The following MEGF9 variants were observed in gnomAD, a reference collection of about 807,000 sequenced individuals.
MEGF9 encodes multiple EGF like domains 9.
In MEGF9, 6 loss-of-function variants were observed where a neutral mutation model predicts 46.8. The observed-to-expected ratio is 0.13, with a 90% CI of 0.07 to 0.25. MEGF9 has a LOEUF of 0.25. Among genes scored for constraint, MEGF9 ranks in the 10% least tolerant of loss-of-function variants. MEGF9 has a pLI of 1.00. For synonymous variants in MEGF9, 302 were observed against 330.7 expected, an observed-to-expected ratio of 0.91 and a Z score of 0.94; for missense variants, 683 against 792.4, an observed-to-expected ratio of 0.86 and a Z score of 1.66.
intron 2 of MEGF9, among the ~76,000 whole-genome samples, chr9:120,648,701 G>A (rs2043635923): frequency 6.6e-6 from 1 of 152,126 alleles, no homozygotes; most frequent in African/African-American, 2.4e-5. Flanking sequence ...TGTTTCTAGT[G>A]ATCAAATAAC....
chr9:120,620,096 T>C (rs921285739), intron 3 of MEGF9, among the ~76,000 whole-genome samples: 7 of 152,268 alleles, frequency 4.6e-5, no homozygotes, highest in African/African-American at 1.7e-4. Context: ...CACTACTAGC[T>C]GCTTTTAGAA....
At position 120,659,382 on chromosome 9, in the gene MEGF9, C is replaced by T. The variant is rs550976882; in HGVS notation, c.795G>A (p.Pro265=). The change falls in exon 2 of 6, where the codon CCG becomes CCA. Residue 265 remains proline, a synonymous_variant. Transcript: ENST00000373930. ...DCSPHGALSI[P]CNSSGKCQCK... ...CACCCTCTGTTGCTTACCTGTTGCA[C>T]GGTATGCTGAGAGCTCCATGTGGAC... 5.6e-6 allele frequency: 9 copies of T among 1,613,380 alleles called. No homozygotes were observed. Among genetic ancestry groups the T allele is most frequent in the Admixed American group, 1.7e-5 (1 of 59,962 alleles).
intron 1 of MEGF9, among the ~76,000 whole-genome samples, chr9:120,710,424 T>A (rs1285622172): frequency 7.0e-5 from 7 of 99,972 alleles, no homozygotes; most frequent in South Asian, 3.5e-4. Context: ...AACTCCGTCT[T>A]AAAAAAAAAA....
chr9:120,691,458 C>T (rs762275708), intron 1 of MEGF9: 10 of 482,040 alleles, frequency 2.1e-5, no homozygotes, highest in African/African-American at 4.0e-5. Flanking sequence ...GCATCTTTGC[C>T]ACAGGCCACT....
intron 1 of MEGF9, among the ~76,000 whole-genome samples, chr9:120,668,184 G>T (rs1277137980): frequency 4.6e-5 from 7 of 152,136 alleles, no homozygotes; most frequent in Non-Finnish European, 7.4e-5. Flanking sequence ...CTCATTGTAG[G>T]GAAAAGGAAT....
chr9:120,659,161 G>A (rs1303683951), intron 2 of MEGF9, among the ~76,000 whole-genome samples: 1 of 152,140 alleles, frequency 6.6e-6, no homozygotes, highest in Non-Finnish European at 1.5e-5. Flanking sequence ...CGACTCTAGT[G>A]CTTTTGAAGA....
chr9:120,650,197 G>A (rs2043643655), intron 2 of MEGF9, among the ~76,000 whole-genome samples: 1 of 152,188 alleles, frequency 6.6e-6, no homozygotes, highest in African/African-American at 2.4e-5. Flanking sequence ...GAACACGGGA[G>A]GCGGAGGTTG....
At chr9:120,701,342 T>C (rs1370237568) in intron 1 of MEGF9, among the ~76,000 whole-genome samples, 6 of 152,194 alleles carry the variant, frequency 3.9e-5, no homozygotes, top group Non-Finnish European at 5.9e-5. Flanking sequence ...GTTTTCAGAC[T>C]CAGTTATCTA....
rs1418354849 is a variant in MEGF9 at position 120,607,814 on chromosome 9, G to T, written c.1284C>A (p.Asn428Lys). 1 of 1,614,018 alleles carries T rather than the reference G, an allele frequency of 6.2e-7. No individual in the cohort carries two copies. Among genetic ancestry groups the T allele is most frequent in the East Asian group, 2.2e-5 (1 of 44,892 alleles). Residue 428 changes from asparagine (N) to lysine (K), a missense_variant, in exon 5 of 6, where the codon AAC becomes AAA. Coordinates refer to ENST00000373930, the MANE Select transcript of MEGF9 (RefSeq NM_001080497.3). ...ESGECINCLH[N>K]TTGFWCENCL... Reference sequence around the variant, plus strand: ...AGTTCTCACACCAAAACCCAGTGGTGTTATGGAGGCAGTTGATGCACTCAC... The same window carrying T: ...AGTTCTCACACCAAAACCCAGTGGTTTTATGGAGGCAGTTGATGCACTCAC...
intron 2 of MEGF9, among the ~76,000 whole-genome samples, chr9:120,650,018 G>C (rs2043642820): frequency 6.6e-6 from 1 of 152,198 alleles, no homozygotes; most frequent in African/African-American, 2.4e-5. Flanking sequence ...TGTAATTCCA[G>C]CACTTTGGGA....
intron 1 of MEGF9, among the ~76,000 whole-genome samples, chr9:120,694,192 T>C (rs1208553479): frequency 6.6e-6 from 1 of 152,220 alleles, no homozygotes; most frequent in Non-Finnish European, 1.5e-5. Context: ...ACATTTAGCA[T>C]GTCATTTTGC....
At chr9:120,612,197 G>C (rs1414660799) in intron 4 of MEGF9, among the ~76,000 whole-genome samples, 199 bp downstream of exon 4, 2 of 152,122 alleles carry the variant, frequency 1.3e-5, no homozygotes, top group Non-Finnish European at 2.9e-5. Context: ...CATTATGCAG[G>C]TTTTTAGACA....
At chr9:120,651,476 T>C (rs1220669539) in intron 2 of MEGF9, among the ~76,000 whole-genome samples, 4 of 152,164 alleles carry the variant, frequency 2.6e-5, no homozygotes, top group African/African-American at 9.7e-5. Flanking sequence ...TTACCTAACT[T>C]GCATTTTTTT....
intron 2 of MEGF9, among the ~76,000 whole-genome samples, chr9:120,640,407 T>C (rs1174176773): frequency 6.6e-6 from 1 of 152,178 alleles, no homozygotes; most frequent in African/African-American, 2.4e-5. Flanking sequence ...TAATATTTCT[T>C]ACTATTTAAT....
chr9:120,633,685 G>C (rs1423450880), intron 2 of MEGF9, among the ~76,000 whole-genome samples: 4 of 151,852 alleles, frequency 2.6e-5, no homozygotes, highest in Admixed American at 6.6e-5. Flanking sequence ...TGGATCATTA[G>C]GTTGTTTATT....
At chr9:120,625,477 C>T (rs562577833) in intron 2 of MEGF9, among the ~76,000 whole-genome samples, 16 of 152,136 alleles carry the variant, frequency 1.1e-4, no homozygotes, top group African/African-American at 2.7e-4. Context: ...GTGCCATGAT[C>T]GGGCCTGTGA....
At chr9:120,667,005 A>T (rs1354590316) in intron 1 of MEGF9, among the ~76,000 whole-genome samples, 2 of 152,236 alleles carry the variant, frequency 1.3e-5, no homozygotes, top group Non-Finnish European at 2.9e-5. Flanking sequence ...CATCTTGATT[A>T]TACATGTATC....
intron 2 of MEGF9, among the ~76,000 whole-genome samples, chr9:120,645,841 G>A (rs931175913): frequency 6.6e-6 from 1 of 152,166 alleles, no homozygotes; most frequent in Non-Finnish European, 1.5e-5. Flanking sequence ...GAAAGAATGT[G>A]GATATGGGGA....
At chr9:120,701,891 A>C (rs998433414) in intron 1 of MEGF9, among the ~76,000 whole-genome samples, 5 of 152,014 alleles carry the variant, frequency 3.3e-5, no homozygotes, top group Non-Finnish European at 7.4e-5. Flanking sequence ...AAAAATACAA[A>C]AATTAGCCAG....
Sources: gnomAD v4.1 joint callset for allele counts (sites outside exome capture counted in the v4.1 genomes callset) on GRCh38, gnomAD v4.1.1 for gene constraint, MANE v1.5 for transcripts, NCBI Gene and HGNC (gene_info 2026-07-23, HGNC 2026-07-21) for gene names.